The following TRIM25 variants were observed in gnomAD, a reference collection of about 807,000 sequenced individuals.
TRIM25 encodes the protein E3 ubiquitin/ISG15 ligase TRIM25.
A neutral mutation model predicts 65.2 loss-of-function variants in TRIM25; 45 were observed. The observed-to-expected ratio is 0.69, with a 90% CI of 0.54 to 0.89. The LOEUF is 0.89. Among genes scored for constraint, TRIM25 ranks in the 40% least tolerant of loss-of-function variants. The probability of loss-of-function intolerance (pLI) is 0.00; values close to 1 mark genes in which losing one functional copy is unlikely to be tolerated. For synonymous variants in TRIM25, 321 were observed against 340.4 expected, an observed-to-expected ratio of 0.94 and a Z score of 0.63; for missense variants, 714 against 803.7, an observed-to-expected ratio of 0.89 and a Z score of 1.35.
At chr17:56,901,344 C>T in intron 4 of TRIM25, 75 bp downstream of exon 4, 1 of 1,497,026 alleles carries the variant, frequency 6.7e-7, no homozygotes, top group Non-Finnish European at 9.1e-7. Flanking sequence ...CCCAATCTCC[C>T]ATCCCAAAAC....
intron 8 of TRIM25, among the ~76,000 whole-genome samples, chr17:56,893,610 C>G (rs1173481801): frequency 6.6e-6 from 1 of 152,252 alleles, no homozygotes; most frequent in Non-Finnish European, 1.5e-5. Context: ...GAAGTGGGTA[C>G]CACTGGCAGG....
Position 56,899,133 on chromosome 17 carries a change from G to A in TRIM25, c.1135C>T (p.Pro379Ser), listed in dbSNP as rs999917189. ...DPASTHKSTR[P>S]VKKVSKEEKK... Reference sequence around the variant, plus strand: ...TACTTACTGGAGACCTTCTTCACAGGGCGTGTGGATTTGTGTGTGGACGCT... The same window carrying A: ...TACTTACTGGAGACCTTCTTCACAGAGCGTGTGGATTTGTGTGTGGACGCT... The change falls in exon 5 of 9, where the codon CCT becomes TCT. Residue 379 changes from proline to serine, a missense_variant. Physicochemically the swap from Pro to Ser is moderately conservative, Grantham distance 74 (BLOSUM62 -1). Around this residue, in one of 3 missense-constraint regions of TRIM25, gnomAD observed 413 missense variants for 498.2 expected, o/e 0.83. Transcript: ENST00000316881. The A allele has an allele frequency of 3.7e-6, 6 of 1,614,162 alleles. No individual in the cohort carries two copies. Among genetic ancestry groups the A allele is most frequent in the South Asian group, 2.2e-5 (2 of 91,082 alleles).
Position 56,895,926 on chromosome 17 carries a change from G to C in TRIM25, c.1180C>G (p.Pro394Ala). ...SKEEKKSKKP[P>A]PVPALPSKLP... is the part of the protein sequence containing the mutation. ...ACAGTTGCAGAAATGCATAACTTAC[G>C]AGGTTTCTTGGATTTCTTTTCCTCT... The change falls in exon 6 of 9, where the codon CCC (proline) becomes GCC (alanine). Residue 394 changes from proline to alanine, a missense_variant and splice_region_variant. Physicochemically the swap from Pro to Ala is conservative, Grantham distance 27 (BLOSUM62 -1). Around this residue, in one of 3 missense-constraint regions of TRIM25, gnomAD observed 413 missense variants for 498.2 expected, o/e 0.83. Transcript: ENST00000316881. The C allele has an allele frequency of 1.9e-6, 3 of 1,612,612 alleles. No homozygotes were observed. Among genetic ancestry groups the C allele is most frequent in the South Asian group, 1.1e-5 (1 of 90,496 alleles).
intron 6 of TRIM25, 46 bp from the exon 7 acceptor site, chr17:56,895,650 C>G: frequency 2.0e-6 from 3 of 1,514,396 alleles, no homozygotes; most frequent in Non-Finnish European, 2.7e-6. Flanking sequence ...ACGGGATGGC[C>G]TCTACTCCCT....
chr17:56,902,829 G>A (rs777245660), intron 3 of TRIM25, among the ~76,000 whole-genome samples: 7 of 152,162 alleles, frequency 4.6e-5, no homozygotes, highest in African/African-American at 1.2e-4. Flanking sequence ...GGAGGTGTTC[G>A]TGTCGTGGGG....
chr17:56,889,895 A>T lies in TRIM25; in HGVS notation c.*1805T>A. On this transcript the variant is annotated 3_prime_UTR_variant, in exon 9 of 9. Transcript: ENST00000316881. ...AAGGAATAAAACTTCTAAGGACCACATATCACCTATTGCAGGGATGTCTTT... is the reference window on the plus strand; with the variant it reads ...AAGGAATAAAACTTCTAAGGACCACTTATCACCTATTGCAGGGATGTCTTT... The T allele has an allele frequency of 2.5e-6, 1 of 398,742 alleles. No homozygotes were observed. The highest frequency in any genetic ancestry group is 3.6e-5 in the East Asian group (1 of 28,088). The allele number at this position is 398,742 out of a possible 1,614,324, so 24.7% of individuals were successfully genotyped here.
chr17:56,895,605 C>G lies in TRIM25; in HGVS notation c.1181-1G>C. 1 of 1,555,340 alleles carries G rather than the reference C, an allele frequency of 6.4e-7. No individual in the cohort carries two copies. Among genetic ancestry groups the G allele is most frequent in the South Asian group, 1.2e-5 (1 of 81,042 alleles). Reference sequence around the variant, plus strand: ...TTGCTGGGTAAGGCAGGGACAGGGGCTGGGGGTAAGGAAAGGGAAATATGA... The same window carrying G: ...TTGCTGGGTAAGGCAGGGACAGGGGGTGGGGGTAAGGAAAGGGAAATATGA... On this transcript the variant is annotated splice_acceptor_variant, in intron 6 of 8. Transcript: ENST00000316881. LOFTEE classifies it high-confidence loss of function.
Position 56,896,868 on chromosome 17 carries a change from G to A in TRIM25, c.1154-916C>T, listed in dbSNP as rs1909304870. 3.3e-5 allele frequency among the ~76,000 whole-genome samples: 5 copies of A among 152,056 alleles called. No individual in the cohort carries two copies. In the South Asian group the frequency reaches 1.0e-3, roughly 32 times the overall value. ...TCCTGTAATCCCAGCAATTTGGGAGGCTGAGGTAGGAGGATTGCTTGAGGC... is the reference window on the plus strand; with the variant it reads ...TCCTGTAATCCCAGCAATTTGGGAGACTGAGGTAGGAGGATTGCTTGAGGC... On this transcript the variant is annotated intron_variant, in intron 5 of 8. Transcript: ENST00000316881.
At chr17:56,908,760 C>T in intron 1 of TRIM25, 197 bp from the exon 2 acceptor site, 1 of 587,268 alleles carries the variant, frequency 1.7e-6, no homozygotes, top group Admixed American at 2.7e-5. Flanking sequence ...TTCCCTTCAT[C>T]CTTTTCAGAG....
At chr17:56,907,692 A>G (rs1909547685) in intron 2 of TRIM25, among the ~76,000 whole-genome samples, 1 of 152,146 alleles carries the variant, frequency 6.6e-6, no homozygotes, top group South Asian at 2.1e-4. Context: ...GCTCTCTGTA[A>G]TGGGTTGAAT....
chr17:56,904,560 T>C, intron 2 of TRIM25, 72 bp from the exon 3 acceptor site: 3 of 1,390,582 alleles, frequency 2.2e-6, no homozygotes, highest in Non-Finnish European at 3.0e-6. Context: ...CAAGCATGGG[T>C]GAGATGTGGA....
chr17:56,887,961 AG>A lies in TRIM25; in HGVS notation c.*3738del, dbSNP rs1485636033. ...GGATACAAATCAGCTCCACAAGCCA[AG>A]GAAGACACAGGGAAAGGTCTGGAAG... On this transcript the variant is annotated 3_prime_UTR_variant, in exon 9 of 9. Transcript: ENST00000316881. The A allele has an allele frequency of 6.6e-6, 1 of 152,286 alleles. No homozygotes were observed. Among genetic ancestry groups the A allele is most frequent in the African/African-American group, 2.4e-5 (1 of 41,476 alleles). 9.4% of individuals were successfully genotyped at this position (152,286 alleles called of 1,614,324 possible).
chr17:56,892,189 GTTGTGGGC>G lies in TRIM25; in HGVS notation c.1396_1403del (p.Ala466GlnfsTer15), dbSNP rs1232416771. 6.2e-7 allele frequency: 1 copy of G among 1,610,660 alleles called. No homozygotes were observed. The highest frequency in any genetic ancestry group is 1.3e-5 in the African/African-American group (1 of 74,882). Reference sequence around the variant, plus strand: ...TATAGCACTCTGACAGAGCCACTTTGTTGTGGGCGGTGTTGTAGTCCAGGATGACTTTA... The same window carrying G: ...TATAGCACTCTGACAGAGCCACTTTGGGTGTTGTAGTCCAGGATGACTTTA... On this transcript the variant is annotated frameshift_variant, in exon 9 of 9. Coordinates refer to ENST00000316881, the MANE Select transcript of TRIM25 (RefSeq NM_005082.5). LOFTEE classifies it high-confidence loss of function.
At chr17:56,902,825 G>T (rs1336335796) in intron 3 of TRIM25, among the ~76,000 whole-genome samples, 1 of 152,212 alleles carries the variant, frequency 6.6e-6, no homozygotes, top group Non-Finnish European at 1.5e-5. Context: ...GGTGGGAGGT[G>T]TTCGTGTCGT....
rs1909522673 is a variant in TRIM25, at chr17:56,906,472, A to AG, written c.694-1985dup. The stretch of plus-strand genomic sequence containing the variant: ...CAAGAAGGACAGTAGACTGGAAAAG[A>AG]GGAATTCAAGTATTTCTTCGCCAAT... On this transcript the variant is annotated intron_variant, in intron 2 of 8. Transcript: ENST00000316881. 3.9e-5 allele frequency among the ~76,000 whole-genome samples: 6 copies of AG among 152,096 alleles called. No individual in the cohort carries two copies. In the South Asian group the frequency reaches 1.2e-3, roughly 32 times the overall value.
intron 1 of TRIM25, among the ~76,000 whole-genome samples, chr17:56,910,823 A>C (rs550306951): frequency 6.6e-6 from 1 of 152,346 alleles, no homozygotes; most frequent in South Asian, 2.1e-4. Context: ...CCAGCCCCCG[A>C]GGCTAAGGGC....
rs146296779 is a variant in TRIM25, at chr17:56,900,208, C to T, written c.1088-1028G>A. On this transcript the variant is annotated intron_variant, in intron 4 of 8. Transcript: ENST00000316881. Reference sequence around the variant, plus strand: ...CAGCCTGGGTGACAGAGCGAGACTCCGTCTCAAAAAAAAAAAAATTTTTTT... The same window carrying T: ...CAGCCTGGGTGACAGAGCGAGACTCTGTCTCAAAAAAAAAAAAATTTTTTT... Among the ~76,000 whole-genome samples the T allele has an allele frequency of 4.5e-3, 648 of 144,654 alleles. 4 individuals are homozygous for T. Among genetic ancestry groups the T allele is most frequent in the African/African-American group, 0.016 (612 of 37,670 alleles). The allele number at this position is 144,654 out of a possible 152,430, so 94.9% of individuals were successfully genotyped here.
rs181948394 is a variant in TRIM25 at position 56,899,651 on chromosome 17, G to A, written c.1088-471C>T. Among the ~76,000 whole-genome samples, 543 of 152,280 alleles carry A rather than the reference G, an allele frequency of 3.6e-3. 3 individuals carry two copies. The highest frequency in any genetic ancestry group is 5.8e-3 in the Non-Finnish European group (395 of 68,036). ...AGCACTTCCACAATGGGGCTGCACC[G>A]CCACCGATTTCAGAAGCCCTTCTGC... is the stretch of plus-strand genomic sequence containing the variant. On this transcript the variant is annotated intron_variant, in intron 4 of 8. Transcript: ENST00000316881.
At chr17:56,908,356 A>T in intron 2 of TRIM25, 112 bp downstream of exon 2, 1 of 1,010,644 alleles carries the variant, frequency 9.9e-7, no homozygotes, top group Non-Finnish European at 1.5e-6. Flanking sequence ...TCATCCTGAC[A>T]CTGTGAGTGC....
Sources: gnomAD v4.1 joint callset for allele counts (sites outside exome capture counted in the v4.1 genomes callset) on GRCh38, gnomAD v4.1.1 for gene constraint, gnomAD v4.1.1 regional missense constraint, MANE v1.5 for transcripts, NCBI Gene and HGNC (gene_info 2026-07-23, HGNC 2026-07-21) for gene names.